Variants in PPHLN1 observed in about 807,000 individuals in gnomAD.
The protein encoded by PPHLN1 is periphilin 1, also known as periphilin-1.
A neutral mutation model predicts 51.3 loss-of-function variants in PPHLN1; 29 were observed. The observed-to-expected ratio is 0.57, with a 90% CI of 0.42 to 0.77. The LOEUF (loss-of-function observed/expected upper bound fraction) is 0.77. PPHLN1 is among the 30% of genes least tolerant of loss of function. PPHLN1 has a pLI of 0.00. For missense variants in PPHLN1, 436 were observed against 438.4 expected (o/e 0.99, Z 0.05); for synonymous variants, 147 against 147.8 (o/e 0.99, Z 0.04).
At chr12:42,385,529 G>GGAAAC (rs2077122286) in intron 6 of PPHLN1, among the ~76,000 whole-genome samples, 1 of 152,206 alleles carries the variant, frequency 6.6e-6, no homozygotes, top group Non-Finnish European at 1.5e-5. Flanking sequence ...TGATATGTTT[G>GGAAAC]TAAAGGAAAC....
intron 9 of PPHLN1, among the ~76,000 whole-genome samples, chr12:42,413,630 C>G (rs901401618): frequency 6.6e-6 from 1 of 151,458 alleles, no homozygotes; most frequent in Non-Finnish European, 1.5e-5. Flanking sequence ...GGCGCCATCT[C>G]GGCTCACTGC....
rs896560603 is a variant in PPHLN1 at position 42,369,849 on chromosome 12, T to C, written c.300-5014T>C. ...TCCTCATTTACACCACCCTGTCTTA[T>C]TGTATTCTCTGATGAATTTCCAGGA... On this transcript the variant is annotated intron_variant, in intron 4 of 9. Transcript: ENST00000358314. 4.6e-5 allele frequency among the ~76,000 whole-genome samples: 7 copies of C among 152,222 alleles called. No homozygotes were observed. The East Asian group carries it at 7.7e-4, about 17-fold the overall frequency.
At position 42,326,191 on chromosome 12, in the gene PPHLN1, A is replaced by G. The variant is rs1246715746; in HGVS notation, c.-59A>G. The G allele has an allele frequency of 6.6e-6, 1 of 152,274 alleles. No homozygotes were observed. The highest frequency in any genetic ancestry group is 1.5e-5 in the Non-Finnish European group (1 of 68,112). The allele number at this position is 152,274 out of a possible 1,614,324, so 9.4% of individuals were successfully genotyped here. A position where few individuals can be genotyped will look rare whatever the true frequency, so the allele number is the denominator to read the frequency against. Reference sequence around the variant, plus strand: ...TACCTGGGATAACGGCGGCGAGCGGACGGCTGCATTTACGGGGTCTCCCGG... The same window carrying G: ...TACCTGGGATAACGGCGGCGAGCGGGCGGCTGCATTTACGGGGTCTCCCGG... On this transcript the variant is annotated 5_prime_UTR_variant, in exon 1 of 10. Transcript: ENST00000358314.
intron 1 of PPHLN1, among the ~76,000 whole-genome samples, chr12:42,331,367 T>C (rs1473570164): frequency 5.9e-5 from 9 of 152,166 alleles, no homozygotes; most frequent in Admixed American, 1.3e-4. Context: ...AAAAAACAGA[T>C]CCATTATCTT....
intron 4 of PPHLN1, among the ~76,000 whole-genome samples, chr12:42,370,368 T>C (rs193074853): frequency 6.6e-6 from 1 of 152,366 alleles, no homozygotes; most frequent in East Asian, 1.9e-4. Flanking sequence ...AACTTTCTAA[T>C]TTGCATAAAG....
downstream of PPHLN1, chr12:42,445,121 G>A (rs1195799461): frequency 4.3e-6 from 3 of 702,086 alleles, no homozygotes; most frequent in Non-Finnish European, 7.8e-6. Context: ...TTCAGTAATT[G>A]CTAAATCAAT....
intron 5 of PPHLN1, among the ~76,000 whole-genome samples, chr12:42,380,681 A>C (rs985243173): frequency 2.0e-5 from 3 of 152,150 alleles, no homozygotes. Flanking sequence ...ATTCTGATAA[A>C]ATCTTGAAAT....
At chr12:42,420,283 TACA>T (rs1456257589) in intron 9 of PPHLN1, among the ~76,000 whole-genome samples, 1 of 152,146 alleles carries the variant, frequency 6.6e-6, no homozygotes, top group African/African-American at 2.4e-5. Context: ...TCTTGAATGG[TACA>T]ACTCTTGGAC....
intron 1 of PPHLN1, among the ~76,000 whole-genome samples, chr12:42,329,314 C>T (rs1241099295): frequency 2.6e-5 from 4 of 151,834 alleles, no homozygotes; most frequent in Non-Finnish European, 4.4e-5. Flanking sequence ...ACCGTGTTAG[C>T]CAGTATGGTC....
At chr12:42,434,874 A>G (rs984501842) in intron 9 of PPHLN1, among the ~76,000 whole-genome samples, 1 of 152,076 alleles carries the variant, frequency 6.6e-6, no homozygotes, top group African/African-American at 2.4e-5. Flanking sequence ...TTGTATTTTT[A>G]GTAGAGACAG....
At chr12:42,360,267 A>G (rs1036801747) in intron 4 of PPHLN1, among the ~76,000 whole-genome samples, 1 of 151,724 alleles carries the variant, frequency 6.6e-6, no homozygotes, top group African/African-American at 2.4e-5. Flanking sequence ...AGCTTCTTCA[A>G]TCTGGAACAG....
intron 3 of PPHLN1, among the ~76,000 whole-genome samples, chr12:42,354,826 T>C (rs970885216): frequency 5.3e-5 from 8 of 152,094 alleles, no homozygotes; most frequent in African/African-American, 1.9e-4. Context: ...GAAGGAAAAA[T>C]GTGAGGTTGA....
intron 2 of PPHLN1, among the ~76,000 whole-genome samples, chr12:42,346,517 T>A (rs999130471): frequency 2.0e-5 from 3 of 152,204 alleles, no homozygotes; most frequent in African/African-American, 7.2e-5. Flanking sequence ...GTTTCTAAAT[T>A]TGGCAATTGT....
chr12:42,378,144 C>A (rs1209478680), intron 5 of PPHLN1, among the ~76,000 whole-genome samples: 2 of 109,956 alleles, frequency 1.8e-5, no homozygotes, highest in Non-Finnish European at 4.1e-5. Flanking sequence ...TTCTTTCTTT[C>A]TTTCTTTCAA....
chr12:42,376,030 A>G (rs2076239342), intron 5 of PPHLN1, among the ~76,000 whole-genome samples: 2 of 152,262 alleles, frequency 1.3e-5, no homozygotes, highest in Non-Finnish European at 2.9e-5. Context: ...TTGATATGTC[A>G]TAAATGAGTT....
At chr12:42,398,725 G>A in intron 8 of PPHLN1, 129 bp from the exon 9 acceptor site, 1 of 746,986 alleles carries the variant, frequency 1.3e-6, no homozygotes, top group South Asian at 3.1e-5. Flanking sequence ...AATGGAGAGA[G>A]TTTTCTTTTC....
intron 9 of PPHLN1, chr12:42,400,539 C>G (rs551984025): frequency 6.6e-6 from 1 of 151,746 alleles, no homozygotes; most frequent in Admixed American, 6.6e-5. Flanking sequence ...AAGTGACCTT[C>G]GAGTAGTCCC....
In PPHLN1 at chr12:42,385,014, C is replaced by CT; in HGVS notation, c.568+19dup. 6.3e-7 allele frequency: 1 copy of CT among 1,591,878 alleles called. No homozygotes were observed. The highest frequency in any genetic ancestry group is 1.1e-5 in the South Asian group (1 of 90,610). On this transcript the variant is annotated intron_variant, in intron 6 of 9. Transcript: ENST00000358314. Reference sequence around the variant, plus strand: ...TGAAAGAGGTGAGTTTTGAGCTAGACTCTGATTTGGGATTGTGAAGGGGTG... The same window carrying CT: ...TGAAAGAGGTGAGTTTTGAGCTAGACTTCTGATTTGGGATTGTGAAGGGGTG...
chr12:42,357,793 G>A (rs1483887496), intron 4 of PPHLN1, among the ~76,000 whole-genome samples: 1 of 152,012 alleles, frequency 6.6e-6, no homozygotes, highest in Non-Finnish European at 1.5e-5. Flanking sequence ...TGAATATATT[G>A]TGTAGTGGTG....
Sources: gnomAD v4.1 joint callset for allele counts (sites outside exome capture counted in the v4.1 genomes callset) on GRCh38, gnomAD v4.1.1 for gene constraint, MANE v1.5 for transcripts, NCBI Gene and HGNC (gene_info 2026-07-23, HGNC 2026-07-21) for gene names.